Variants in CFAP107 observed in about 807,000 individuals in gnomAD.
CFAP107 encodes the protein cilia- and flagella-associated protein 107.
chr1:12,746,912 C>T, the CFAP107 span, among the ~76,000 whole-genome samples: 2 of 151,894 alleles, frequency 1.3e-5, no homozygotes, highest in Admixed American at 1.3e-4. Flanking sequence ...TCCTTTGTAC[C>T]TTAATTTGAA....
chr1:12,749,850 T>C, the CFAP107 span, among the ~76,000 whole-genome samples: 1 of 152,160 alleles, frequency 6.6e-6, no homozygotes, highest in Non-Finnish European at 1.5e-5. Context: ...CAAGGAAGAC[T>C]AAAGAGAATC....
At chr1:12,746,461 C>G in the CFAP107 span, 1 of 1,613,688 alleles carries the variant, frequency 6.2e-7, no homozygotes, top group Non-Finnish European at 8.5e-7. Flanking sequence ...TCCACAGCCA[C>G]TCTCTACTCC....
the CFAP107 span, among the ~76,000 whole-genome samples, chr1:12,750,590 C>T: frequency 5.9e-5 from 9 of 152,048 alleles, no homozygotes; most frequent in East Asian, 3.9e-4. Flanking sequence ...TAGTATCAGA[C>T]GAAGTAGGCT....
chr1:12,747,270 T>C, the CFAP107 span, among the ~76,000 whole-genome samples: 1 of 152,012 alleles, frequency 6.6e-6, no homozygotes, highest in Non-Finnish European at 1.5e-5. Flanking sequence ...GGCTTCACCA[T>C]GTTGGCCAGG....
the CFAP107 span, chr1:12,763,303 A>T: frequency 1.3e-5 from 2 of 152,190 alleles, no homozygotes; most frequent in African/African-American, 4.8e-5. Context: ...GTTGGGCCAC[A>T]TTCAGCCTGC....
At chr1:12,762,550 CAGG>C in the CFAP107 span, 1 of 152,518 alleles carries the variant, frequency 6.6e-6, no homozygotes, top group East Asian at 1.9e-4. Flanking sequence ...GAATGAATGA[CAGG>C]AGGAGGAGCC....
the CFAP107 span, among the ~76,000 whole-genome samples, chr1:12,748,689 GA>G: frequency 0.053 from 7,994 of 150,658 alleles, 682 homozygotes; most frequent in African/African-American, 0.18. Flanking sequence ...TGAAGATACA[GA>G]AAAAAAAAGT....
chr1:12,760,640 C>T, the CFAP107 span: 1 of 899,528 alleles, frequency 1.1e-6, no homozygotes, highest in Non-Finnish European at 1.7e-6. Context: ...CCTCTGCCAG[C>T]CTTGGTCCCT....
the CFAP107 span, chr1:12,759,295 T>C: frequency 6.2e-7 from 1 of 1,612,706 alleles, no homozygotes; most frequent in Non-Finnish European, 8.5e-7. Context: ...GAGCCCACTG[T>C]GTCTGTCCTT....
At chr1:12,748,553 C>T in the CFAP107 span, among the ~76,000 whole-genome samples, 2 of 151,472 alleles carry the variant, frequency 1.3e-5, no homozygotes, top group South Asian at 2.1e-4. Context: ...GTTGGGCTGA[C>T]CCCAAGACTC....
the CFAP107 span, chr1:12,759,505 G>A: frequency 1.2e-6 from 2 of 1,614,010 alleles, no homozygotes; most frequent in African/African-American, 1.3e-5. Flanking sequence ...TATAATTCAG[G>A]GTATTCCTCT....
chr1:12,761,816 G>T, the CFAP107 span: 1 of 152,268 alleles, frequency 6.6e-6, no homozygotes, highest in Non-Finnish European at 1.5e-5. Flanking sequence ...ATTAGCAGGC[G>T]TGAGCCACCG....
At chr1:12,759,958 G>A in the CFAP107 span, among the ~76,000 whole-genome samples, 1 of 152,140 alleles carries the variant, frequency 6.6e-6, no homozygotes, top group Non-Finnish European at 1.5e-5. Context: ...AGGAGTGTGC[G>A]CTATAAAGAA....
the CFAP107 span, among the ~76,000 whole-genome samples, chr1:12,752,305 CT>C: frequency 6.6e-6 from 1 of 152,084 alleles, no homozygotes; most frequent in Non-Finnish European, 1.5e-5. Context: ...TGGTTCAGGG[CT>C]GGGCATAGTG....
At chr1:12,760,606 C>T in the CFAP107 span, among the ~76,000 whole-genome samples, 1 of 152,204 alleles carries the variant, frequency 6.6e-6, no homozygotes, top group South Asian at 2.1e-4. Flanking sequence ...AACCAATGCT[C>T]TCTGCAAGGC....
the CFAP107 span, among the ~76,000 whole-genome samples, chr1:12,757,855 T>C: frequency 6.6e-6 from 1 of 152,090 alleles, no homozygotes; most frequent in African/African-American, 2.4e-5. Flanking sequence ...ACTCCCACTT[T>C]GCTCTTCCTT....
the CFAP107 span, among the ~76,000 whole-genome samples, chr1:12,758,640 T>G: frequency 6.6e-6 from 1 of 152,182 alleles, no homozygotes; most frequent in Non-Finnish European, 1.5e-5. Context: ...TGCCCCCTTG[T>G]AAGTCAGTGC....
the CFAP107 span, chr1:12,761,251 T>C: frequency 3.6e-6 from 1 of 274,974 alleles, no homozygotes; most frequent in Non-Finnish European, 6.8e-6. Flanking sequence ...CCCTGTTGTT[T>C]CACAAGAGGG....
chr1:12,749,527 C>T, the CFAP107 span, among the ~76,000 whole-genome samples: 1,069 of 152,222 alleles, frequency 7.0e-3, 12 homozygotes, highest in African/African-American at 0.025. Context: ...GGGAGGATCA[C>T]CTGAGCCTGG....
Sources: gnomAD v4.1 joint callset for allele counts (sites outside exome capture counted in the v4.1 genomes callset) on GRCh38, gnomAD v4.1.1 for gene constraint, MANE v1.5 for transcripts, NCBI Gene and HGNC (gene_info 2026-07-23, HGNC 2026-07-21) for gene names.